Variants in FOXN3 observed in about 807,000 individuals in gnomAD.
The protein encoded by FOXN3 is forkhead box protein N3.
In FOXN3, 7 loss-of-function variants were observed where a neutral mutation model predicts 38.4. The ratio of observed to expected loss-of-function variants is 0.18; its 90% confidence interval spans 0.10 to 0.34. The LOEUF is 0.34. Among genes scored for constraint, FOXN3 ranks in the 10% least tolerant of loss-of-function variants. The pLI, the probability that FOXN3 is intolerant of heterozygous loss-of-function variation, is 1.00. For missense variants in FOXN3, 456 were observed against 613.4 expected, an observed-to-expected ratio of 0.74 and a Z score of 2.71; for synonymous variants, 230 against 242.2, an observed-to-expected ratio of 0.95 and a Z score of 0.47.
At chr14:89,336,813 C>T (rs1400628158) in intron 3 of FOXN3, among the ~76,000 whole-genome samples, 2 of 152,152 alleles carry the variant, frequency 1.3e-5, no homozygotes, top group Non-Finnish European at 2.9e-5. Context: ...CCTAGAATAT[C>T]GGATGGAAAT....
rs556825127 is a variant in FOXN3 at position 89,265,669 on chromosome 14, CAT to C, written c.745+15279_745+15280del. Among the ~76,000 whole-genome samples, 389 of 152,320 alleles carry C rather than the reference CAT, an allele frequency of 2.6e-3. 1 individual carries two copies. The highest frequency in any genetic ancestry group is 4.3e-3 in the Non-Finnish European group (295 of 68,014). On this transcript the variant is annotated intron_variant, in intron 4 of 5. Coordinates refer to ENST00000557258, the MANE Select transcript of FOXN3 (RefSeq NM_005197.4). ...AGCACGTCCACTTTTAAAAACAAAT[CAT>C]AGACCCCAAAAAGGTAAAATTACAC...
At chr14:89,434,608 A>G (rs933046285) in intron 1 of FOXN3, among the ~76,000 whole-genome samples, 1 of 152,154 alleles carries the variant, frequency 6.6e-6, no homozygotes, top group African/African-American at 2.4e-5. Context: ...CTCCAAGTCC[A>G]TCTCCATCTC....
At chr14:89,423,573 T>G (rs1425393554) in intron 1 of FOXN3, among the ~76,000 whole-genome samples, 2 of 151,726 alleles carry the variant, frequency 1.3e-5, no homozygotes, top group East Asian at 3.9e-4. Context: ...TACAACTCAA[T>G]GAGAAAAAAA....
intron 4 of FOXN3, among the ~76,000 whole-genome samples, chr14:89,215,541 C>T (rs370529905): frequency 2.0e-5 from 3 of 152,102 alleles, no homozygotes; most frequent in African/African-American, 2.4e-5. Context: ...AAAATGCATC[C>T]GACCACATTG....
intron 1 of FOXN3, among the ~76,000 whole-genome samples, chr14:89,452,603 T>C (rs745972816): frequency 6.6e-6 from 1 of 152,064 alleles, no homozygotes; most frequent in Admixed American, 6.5e-5. Context: ...CTTCAAGAAG[T>C]TTCCCCAGCC....
Position 89,598,848 on chromosome 14 carries a change from C to T in FOXN3, c.-15+20180G>A, listed in dbSNP as rs149332608. On this transcript the variant is annotated intron_variant, in intron 1 of 6. Transcript: ENST00000345097. ...TACCATGTTGTCCCTATGTTGTTCT[C>T]GTTAGCTTTGTTATCAGAAATTTTA... 2.5e-4 allele frequency among the ~76,000 whole-genome samples: 38 copies of T among 152,178 alleles called. No individual in the cohort carries two copies. The East Asian group carries it at 5.8e-3, about 23-fold the overall frequency.
chr14:89,209,809 C>T (rs1888474619), intron 4 of FOXN3, among the ~76,000 whole-genome samples: 1 of 152,226 alleles, frequency 6.6e-6, no homozygotes, highest in Non-Finnish European at 1.5e-5. Flanking sequence ...AGTCTAAATA[C>T]ATCACAACAA....
Position 89,180,701 on chromosome 14 carries a change from C to T in FOXN3, c.851G>A (p.Arg284Lys), listed in dbSNP as rs763767590. The change falls in exon 5 of 6, where the codon AGG (arginine) becomes AAG (lysine). Residue 284 changes from arginine (R) to lysine (K), a missense_variant and splice_region_variant. By Grantham distance (26) the Arg-to-Lys change is conservative. This residue lies in a region of FOXN3 where 386 missense variants were observed against 505.2 expected (regional missense o/e 0.76). Transcript: ENST00000557258. ...TCTGCCCAGCGCACTCCCCACTTACCTCATGGCCGCTGTCACCCCAATGGG... is the reference window on the plus strand; with the variant it reads ...TCTGCCCAGCGCACTCCCCACTTACTTCATGGCCGCTGTCACCCCAATGGG... ...ITPIGVTAAM[R>K]NGITSCRMRT... The T allele has an allele frequency of 1.2e-6, 2 of 1,603,218 alleles. No individual in the cohort carries two copies. The highest frequency in any genetic ancestry group is 1.7e-6 in the Non-Finnish European group (2 of 1,173,792).
At chr14:89,607,842 A>C (rs1896304042) in intron 1 of FOXN3, among the ~76,000 whole-genome samples, 1 of 151,312 alleles carries the variant, frequency 6.6e-6, no homozygotes, top group Non-Finnish European at 1.5e-5. Flanking sequence ...TTTGAGACAG[A>C]GTGTCACTCT....
At chr14:89,451,473 G>A (rs1892611663) in intron 1 of FOXN3, among the ~76,000 whole-genome samples, 1 of 152,204 alleles carries the variant, frequency 6.6e-6, no homozygotes, top group Non-Finnish European at 1.5e-5. Context: ...TCCGGACCAA[G>A]TTAAAATTTA....
At chr14:89,331,456 T>C (rs772263206) in intron 3 of FOXN3, among the ~76,000 whole-genome samples, 13 of 150,370 alleles carry the variant, frequency 8.6e-5, no homozygotes, top group African/African-American at 2.9e-4. Flanking sequence ...CACCTGCTGA[T>C]GGACGTTTGC....
At chr14:89,467,135 C>A (rs535480044) in intron 1 of FOXN3, among the ~76,000 whole-genome samples, 1 of 152,308 alleles carries the variant, frequency 6.6e-6, no homozygotes, top group East Asian at 1.9e-4. Context: ...CATCACACCC[C>A]CTTCTCACGG....
chr14:89,413,727 GGAAGGGAAGGGA>G (rs1157979269), intron 1 of FOXN3, among the ~76,000 whole-genome samples: 3 of 138,966 alleles, frequency 2.2e-5, no homozygotes, highest in Non-Finnish European at 4.7e-5. Flanking sequence ...AAGAGAAGGG[GGAAGGGAAGGGA>G]GAAGGGAAGG....
At chr14:89,252,245 T>A (rs1297433788) in intron 4 of FOXN3, among the ~76,000 whole-genome samples, 6 of 152,266 alleles carry the variant, frequency 3.9e-5, no homozygotes, top group Non-Finnish European at 8.8e-5. Context: ...TTATTAATAC[T>A]TTTAATATGT....
intron 2 of FOXN3, chr14:89,364,471 C>A: frequency 6.6e-6 from 1 of 152,400 alleles, no homozygotes. Context: ...GCCCTAGTTC[C>A]TGGGATCAGC....
chr14:89,243,177 A>C (rs894875643), intron 4 of FOXN3, among the ~76,000 whole-genome samples: 2 of 152,204 alleles, frequency 1.3e-5, no homozygotes, highest in Admixed American at 1.3e-4. Flanking sequence ...GTTAGGAAGT[A>C]GGTAGGTATA....
At chr14:89,430,667 A>G (rs1013135696) in intron 1 of FOXN3, among the ~76,000 whole-genome samples, 1 of 152,116 alleles carries the variant, frequency 6.6e-6, no homozygotes, top group African/African-American at 2.4e-5. Flanking sequence ...AAATCTGTTT[A>G]ATTGATTTTT....
chr14:89,529,728 T>A (rs971938920), intron 1 of FOXN3, among the ~76,000 whole-genome samples: 2 of 152,168 alleles, frequency 1.3e-5, no homozygotes, highest in Admixed American at 1.3e-4. Context: ...CACTGGATTA[T>A]ACAATGCTTC....
intron 1 of FOXN3, among the ~76,000 whole-genome samples, chr14:89,478,272 T>C (rs986582912): frequency 7.2e-5 from 11 of 152,312 alleles, no homozygotes; most frequent in Admixed American, 6.5e-4. Flanking sequence ...CAGAAGCAGA[T>C]GCCACTATGC....
Sources: gnomAD v4.1 joint callset for allele counts (sites outside exome capture counted in the v4.1 genomes callset) on GRCh38, gnomAD v4.1.1 for gene constraint, gnomAD v4.1.1 regional missense constraint, MANE v1.5 for transcripts, NCBI Gene and HGNC (gene_info 2026-07-23, HGNC 2026-07-21) for gene names.